The following NMNAT2 variants were observed in gnomAD, a reference collection of about 807,000 sequenced individuals.
NMNAT2 encodes nicotinamide/nicotinic acid mononucleotide adenylyltransferase 2.
Under a neutral mutation model 41.6 loss-of-function variants are expected in NMNAT2, and 11 were observed. That is an observed-to-expected ratio of 0.26 (90% CI 0.17 to 0.44). The LOEUF is 0.44. Among genes scored for constraint, NMNAT2 ranks in the 20% least tolerant of loss-of-function variants. NMNAT2 has a pLI of 1.00. For synonymous variants in NMNAT2, 148 were observed against 151.2 expected (o/e 0.98, Z 0.16); for missense variants, 288 against 407.7 (o/e 0.71, Z 2.53).
intron 10 of NMNAT2, among the ~76,000 whole-genome samples, 183 bp downstream of exon 10, chr1:183,260,819 C>CAAAAAAAAAAAAAAAAAAAAAAAAAAAA (rs35660466): frequency 1.3e-5 from 1 of 74,996 alleles, no homozygotes; most frequent in Non-Finnish European, 2.5e-5. Context: ...GACGCTGTCT[C>CAAAAAAAAAAAAAAAAAAAAAAAAAAAA]AAAAAAAAAA....
rs1281028092 is a variant in NMNAT2, at chr1:183,283,734, G to A, written c.574+261C>T. ...AGCTCAACTTTCATGTTTTTTAGAG[G>A]AGGGAGTGGAGGCTCTGAAGGAAAA... is the stretch of plus-strand genomic sequence containing the variant. On this transcript the variant is annotated intron_variant, in intron 7 of 10. Coordinates refer to ENST00000287713, the MANE Select transcript of NMNAT2 (RefSeq NM_015039.4). 4 of 496,084 alleles carry A rather than the reference G, an allele frequency of 8.1e-6. No individual in the cohort carries two copies. In the South Asian group the frequency reaches 8.3e-5, roughly 10 times the overall value. 30.7% of individuals were successfully genotyped at this position (496,084 alleles called of 1,614,324 possible).
intron 1 of NMNAT2, among the ~76,000 whole-genome samples, chr1:183,348,335 G>A (rs55901929): frequency 0.091 from 13,815 of 152,202 alleles, 691 homozygotes; most frequent in Middle Eastern, 0.15. Context: ...ACTGGGAATA[G>A]AAGTAATTTA....
intron 1 of NMNAT2, among the ~76,000 whole-genome samples, chr1:183,345,611 AG>A (rs1662909706): frequency 6.6e-6 from 1 of 152,180 alleles, no homozygotes; most frequent in Non-Finnish European, 1.5e-5. Flanking sequence ...GCCCCCCAGC[AG>A]GAAGGCCCTT....
intron 1 of NMNAT2, among the ~76,000 whole-genome samples, chr1:183,385,395 C>A (rs1648196257): frequency 6.6e-6 from 1 of 152,148 alleles, no homozygotes; most frequent in African/African-American, 2.4e-5. Context: ...ATCTAACAAT[C>A]TAAAAATACA....
In NMNAT2 at chr1:183,278,595, C is replaced by A. The variant is rs1661186056; in HGVS notation, c.609G>T (p.Leu203=). ...LRILLLCGSD[L]LESFCIPGLW... ...GCCCTGGGATGCAGAAGGACTCCAG[C>A]AGGTCACTACCACACAGCAGCAGGA... The change falls in exon 8 of 11, where the codon CTG becomes CTT. Residue 203 remains leucine, a synonymous_variant. Transcript: ENST00000287713. The A allele has an allele frequency of 6.2e-7, 1 of 1,613,940 alleles. No individual in the cohort carries two copies. Among genetic ancestry groups the A allele is most frequent in the Non-Finnish European group, 8.5e-7 (1 of 1,179,840 alleles).
At chr1:183,324,393 T>G (rs749105683) in intron 1 of NMNAT2, among the ~76,000 whole-genome samples, 1 of 152,184 alleles carries the variant, frequency 6.6e-6, no homozygotes, top group Non-Finnish European at 1.5e-5. Flanking sequence ...TAAAATTAAA[T>G]GTTTGCACAC....
In NMNAT2 at chr1:183,250,786, C is replaced by G. The variant is rs1030143732; in HGVS notation, c.*1855G>C. 2.0e-5 allele frequency: 3 copies of G among 152,634 alleles called. No individual in the cohort carries two copies. The highest frequency in any genetic ancestry group is 2.0e-4 in the Admixed American group (3 of 15,282). The allele number at this position is 152,634 out of a possible 1,614,324, so 9.5% of individuals were successfully genotyped here. A position where few individuals can be genotyped will look rare whatever the true frequency, so the allele number is the denominator to read the frequency against. ...CAAAAAATCCAAGAGGAATAACAGA[C>G]TTTCTGGATGCTGCTCTACCATGTT... On this transcript the variant is annotated 3_prime_UTR_variant, in exon 11 of 11. Coordinates refer to ENST00000287713, the MANE Select transcript of NMNAT2 (RefSeq NM_015039.4).
intron 1 of NMNAT2, among the ~76,000 whole-genome samples, chr1:183,377,712 A>AT (rs1428507981): frequency 6.6e-6 from 1 of 152,234 alleles, no homozygotes; most frequent in Non-Finnish European, 1.5e-5. Context: ...TTCAACAATA[A>AT]CAACAAAAAG....
intron 8 of NMNAT2, chr1:183,267,332 T>A (rs1660842901): frequency 1.3e-5 from 2 of 152,062 alleles, no homozygotes; most frequent in Admixed American, 6.5e-5. Context: ...TAAAAGAAAA[T>A]AAACAACAAC....
At chr1:183,307,122 C>A (rs929564568) in intron 1 of NMNAT2, among the ~76,000 whole-genome samples, 1 of 152,164 alleles carries the variant, frequency 6.6e-6, no homozygotes, top group Admixed American at 6.5e-5. Flanking sequence ...TTTTGACCAG[C>A]AAAGATTGTC....
chr1:183,250,844 T>G lies in NMNAT2; in HGVS notation c.*1797A>C, dbSNP rs1464878048. 1.3e-5 allele frequency: 2 copies of G among 152,662 alleles called. No homozygotes were observed. Among genetic ancestry groups the G allele is most frequent in the Admixed American group, 1.3e-4 (2 of 15,284 alleles). The allele number at this position is 152,662 out of a possible 1,614,324, so 9.5% of individuals were successfully genotyped here. On this transcript the variant is annotated 3_prime_UTR_variant, in exon 11 of 11. Transcript: ENST00000287713. ...TAAATCAAGTTCCTTTTCCCGCAAT[T>G]GAAGGATGTTGCAGATGTGAAACGT...
intron 1 of NMNAT2, among the ~76,000 whole-genome samples, chr1:183,404,370 G>C (rs373457228): frequency 6.6e-6 from 1 of 152,160 alleles, no homozygotes; most frequent in African/African-American, 2.4e-5. Flanking sequence ...GATTACAGGC[G>C]TGAGCCACTG....
rs1045991952 is a variant in NMNAT2 at position 183,251,402 on chromosome 1, C to T, written c.*1239G>A. The T allele has an allele frequency of 1.3e-5, 2 of 152,300 alleles. No homozygotes were observed. The highest frequency in any genetic ancestry group is 2.4e-5 in the African/African-American group (1 of 41,472). The allele number at this position is 152,300 out of a possible 1,614,324, so 9.4% of individuals were successfully genotyped here. A position where few individuals can be genotyped will look rare whatever the true frequency, so the allele number is the denominator to read the frequency against. ...AACAAATTGCTTTCTCCTAGTTCAT[C>T]CTGGACTTACAATATGAAAGAGACA... On this transcript the variant is annotated 3_prime_UTR_variant, in exon 11 of 11. Coordinates refer to ENST00000287713, the MANE Select transcript of NMNAT2 (RefSeq NM_015039.4).
chr1:183,387,284 T>C (rs903455717), intron 1 of NMNAT2, among the ~76,000 whole-genome samples: 4 of 151,296 alleles, frequency 2.6e-5, no homozygotes, highest in African/African-American at 7.2e-5. Flanking sequence ...TTAATGACCC[T>C]TGATTTGGAA....
chr1:183,316,925 G>T (rs1386617637), intron 1 of NMNAT2, among the ~76,000 whole-genome samples: 1 of 152,188 alleles, frequency 6.6e-6, no homozygotes, highest in African/African-American at 2.4e-5. Context: ...TGGCATGCCT[G>T]TGTTCCAGAT....
chr1:183,255,255 A>T (rs6673019), intron 10 of NMNAT2, among the ~76,000 whole-genome samples: 1,744 of 152,294 alleles, frequency 0.011, 42 homozygotes, highest in African/African-American at 0.039. Context: ...TGGGCTCACT[A>T]TTCGGTTCCA....
Position 183,292,870 on chromosome 1 carries a change from A to G in NMNAT2, c.175-13T>C, listed in dbSNP as rs1661579385. On this transcript the variant is annotated splice_polypyrimidine_tract_variant and intron_variant, in intron 2 of 10. Coordinates refer to ENST00000287713, the MANE Select transcript of NMNAT2 (RefSeq NM_015039.4). The stretch of plus-strand genomic sequence containing the variant: ...TTGACACGAGGCCCTGGGAAGCAAC[A>G]GAGCAATCATTGGGAGACTCCCTCC... The G allele has an allele frequency of 6.2e-7, 1 of 1,613,806 alleles. No individual in the cohort carries two copies. The highest frequency in any genetic ancestry group is 8.5e-7 in the Non-Finnish European group (1 of 1,179,802).
chr1:183,343,179 A>AT (rs1337430337), intron 1 of NMNAT2, among the ~76,000 whole-genome samples: 8 of 152,038 alleles, frequency 5.3e-5, no homozygotes, highest in Non-Finnish European at 8.8e-5. Context: ...TTACCCCCAC[A>AT]TCCAAGCAAT....
Position 183,278,540 on chromosome 1 carries a change from C to A in NMNAT2, c.651+13G>T, listed in dbSNP as rs755978316. On this transcript the variant is annotated intron_variant, in intron 8 of 10. Coordinates refer to ENST00000287713, the MANE Select transcript of NMNAT2 (RefSeq NM_015039.4). ...GTCCCAGCTGGGTGCCAGGCAATAA[C>A]CTTGCTACTCACATCTGCCTCGTTC... 4 of 1,600,014 alleles carry A rather than the reference C, an allele frequency of 2.5e-6. No individual in the cohort carries two copies. In the Admixed American group the frequency reaches 6.7e-5, roughly 27 times the overall value.
Sources: allele counts gnomAD v4.1 joint callset (sites outside exome capture counted in the v4.1 genomes callset), GRCh38; gene constraint gnomAD v4.1.1; transcripts MANE v1.5; gene names NCBI Gene and HGNC (gene_info 2026-07-23, HGNC 2026-07-21).